MFF: variants seen among roughly 807,000 people sequenced by gnomAD.
The protein encoded by MFF is chromosome 2 open reading frame 33.
In MFF, 12 loss-of-function variants were observed where a neutral mutation model predicts 36.9. The ratio of observed to expected loss-of-function variants is 0.33; its 90% confidence interval spans 0.21 to 0.53. MFF has a LOEUF of 0.53. MFF is among the 20% of genes least tolerant of loss of function. MFF has a pLI of 0.95. For missense variants in MFF, 348 were observed against 366.6 expected, an observed-to-expected ratio of 0.95 and a Z score of 0.42; for synonymous variants, 99 against 126.2, an observed-to-expected ratio of 0.78 and a Z score of 1.44.
At chr2:227,352,274 T>A (rs2106457163) in intron 6 of MFF, 2 of 410,522 alleles carry the variant, frequency 4.9e-6, no homozygotes, top group Admixed American at 4.0e-5. Context: ...TGCTGTTTTG[T>A]CGTGTAAATA....
At chr2:227,332,341 C>T (rs1393798003) in intron 3 of MFF, 78 bp from the exon 4 acceptor site, 1 of 1,083,514 alleles carries the variant, frequency 9.2e-7, no homozygotes, top group Non-Finnish European at 1.3e-6. Flanking sequence ...AAGGTAAATA[C>T]ATTTTAACAA....
chr2:227,330,986 A>G, intron 3 of MFF, 140 bp downstream of exon 3: 1 of 678,648 alleles, frequency 1.5e-6, no homozygotes, highest in Non-Finnish European at 2.5e-6. Flanking sequence ...TCTATTCATT[A>G]TTATAGTCTG....
chr2:227,352,892 A>G (rs1026663225), intron 7 of MFF, among the ~76,000 whole-genome samples: 15 of 152,176 alleles, frequency 9.9e-5, no homozygotes, highest in Non-Finnish European at 1.8e-4. Flanking sequence ...ATCTTATTTT[A>G]TGTACATCAT....
chr2:227,332,148 A>AT lies in MFF; in HGVS notation c.182-266dup, dbSNP rs367838756. On this transcript the variant is annotated intron_variant, in intron 3 of 8. Coordinates refer to ENST00000304593, the MANE Select transcript of MFF (RefSeq NM_001277062.2). The stretch of plus-strand genomic sequence containing the variant: ...CACTACGCCCGGCTAATTTTTTTGT[A>AT]TTTTTAGTAGAGACGGGGTTTCACC... Among the ~76,000 whole-genome samples the AT allele has an allele frequency of 0.32, 47,238 of 147,704 alleles. 7,853 individuals carry two copies. The highest frequency in any genetic ancestry group is 0.42 in the Admixed American group (6,284 of 14,856).
At chr2:227,334,742 C>T (rs73994246) in intron 4 of MFF, among the ~76,000 whole-genome samples, 15,174 of 152,038 alleles carry the variant, frequency 0.1, 1,221 homozygotes, top group African/African-American at 0.21. Context: ...ATGCCATTAC[C>T]GTCTTCCAAG....
In MFF at chr2:227,332,595, A is replaced by G; in HGVS notation, c.351+7A>G. 4 of 1,553,140 alleles carry G rather than the reference A, an allele frequency of 2.6e-6. No individual in the cohort carries two copies. Among genetic ancestry groups the G allele is most frequent in the Non-Finnish European group, 2.6e-6 (3 of 1,147,198 alleles). ...AACCCCTCAAAATGAAGAAGTAAGT[A>G]GAACTTTAGTATCACCGGAATTTGA... On this transcript the variant is annotated splice_region_variant and intron_variant, in intron 4 of 8. Transcript: ENST00000304593.
chr2:227,339,565 A>G (rs2075271011), intron 4 of MFF, among the ~76,000 whole-genome samples: 2 of 152,210 alleles, frequency 1.3e-5, no homozygotes, highest in Non-Finnish European at 2.9e-5. Context: ...CTGTGTGGCT[A>G]CTTGGCCTTC....
chr2:227,334,199 T>C (rs2074813993), intron 4 of MFF, among the ~76,000 whole-genome samples: 1 of 152,228 alleles, frequency 6.6e-6, no homozygotes, highest in South Asian at 2.1e-4. Context: ...GAATTAAATG[T>C]AATCATGCAT....
intron 7 of MFF, among the ~76,000 whole-genome samples, chr2:227,355,110 G>A (rs533641510): frequency 3.3e-5 from 5 of 152,296 alleles, no homozygotes; most frequent in African/African-American, 1.2e-4. Flanking sequence ...GCAATGAGCC[G>A]AGATTGTGCC....
At chr2:227,329,697 G>A (rs749000309) in intron 2 of MFF, 28 of 1,294,164 alleles carry the variant, frequency 2.2e-5, no homozygotes, top group Non-Finnish European at 4.5e-6. Flanking sequence ...TGAACTGCAG[G>A]GTAGCAGTAT....
At position 227,332,812 on chromosome 2, in the gene MFF, A is replaced by G. The variant is rs566441616; in HGVS notation, c.351+224A>G. 2.1e-4 allele frequency among the ~76,000 whole-genome samples: 32 copies of G among 152,366 alleles called. No homozygotes were observed. In the South Asian group the frequency reaches 6.6e-3, roughly 32 times the overall value. On this transcript the variant is annotated intron_variant, in intron 4 of 8. Coordinates refer to ENST00000304593, the MANE Select transcript of MFF (RefSeq NM_001277062.2). Reference sequence around the variant, plus strand: ...AAATGTAAGTTTTGTGGTAAGTATTATTAAGTTCCTGTGGTTTGAAGAAAG... The same window carrying G: ...AAATGTAAGTTTTGTGGTAAGTATTGTTAAGTTCCTGTGGTTTGAAGAAAG...
chr2:227,341,873 T>C (rs989112483), intron 5 of MFF, among the ~76,000 whole-genome samples: 9 of 152,248 alleles, frequency 5.9e-5, no homozygotes, highest in African/African-American at 2.2e-4. Context: ...AAGATTATTG[T>C]AATATAGCAC....
At chr2:227,334,785 AAG>A (rs2074861384) in intron 4 of MFF, among the ~76,000 whole-genome samples, 1 of 152,210 alleles carries the variant, frequency 6.6e-6, no homozygotes, top group Non-Finnish European at 1.5e-5. Context: ...TAATAGCAAA[AAG>A]GTGGAAGCAA....
At chr2:227,326,242 G>A (rs1050913713) in intron 1 of MFF, among the ~76,000 whole-genome samples, 2 of 150,584 alleles carry the variant, frequency 1.3e-5, no homozygotes, top group African/African-American at 2.4e-5. Flanking sequence ...AAAAAAAAAG[G>A]TTTCTGGCCC....
At chr2:227,336,442 A>G (rs1214265204) in intron 4 of MFF, among the ~76,000 whole-genome samples, 1 of 152,234 alleles carries the variant, frequency 6.6e-6, no homozygotes, top group Non-Finnish European at 1.5e-5. Context: ...CCCCAGATAT[A>G]CACAAGAATC....
chr2:227,353,223 C>A (rs977998790), intron 7 of MFF, among the ~76,000 whole-genome samples: 50 of 152,296 alleles, frequency 3.3e-4, no homozygotes, highest in South Asian at 6.2e-4. Context: ...CAAATACATG[C>A]AGTTCTTAAG....
intron 3 of MFF, among the ~76,000 whole-genome samples, chr2:227,331,959 ATTTTTTTTTTTTT>A (rs10549336): frequency 0.01 from 806 of 76,836 alleles, 27 homozygotes; most frequent in Middle Eastern, 0.07. Flanking sequence ...CGCTGGAAGC[ATTTTTTTTTTTTT>A]TTTTTTTTTT....
At chr2:227,349,944 G>A (rs2075904411) in intron 6 of MFF, among the ~76,000 whole-genome samples, 1 of 151,978 alleles carries the variant, frequency 6.6e-6, no homozygotes, top group Non-Finnish European at 1.5e-5. Flanking sequence ...GAACTATTTG[G>A]CAGAAAAAGA....
chr2:227,338,646 A>G (rs762208023), intron 4 of MFF, among the ~76,000 whole-genome samples: 11 of 151,840 alleles, frequency 7.2e-5, no homozygotes, highest in Admixed American at 3.9e-4. Context: ...CCTGGCCAAC[A>G]TGGTGAAACA....
Sources: gnomAD v4.1 joint callset for allele counts (sites outside exome capture counted in the v4.1 genomes callset) on GRCh38, gnomAD v4.1.1 for gene constraint, MANE v1.5 for transcripts, NCBI Gene and HGNC (gene_info 2026-07-23, HGNC 2026-07-21) for gene names.